CFAP61: variants seen among roughly 807,000 people sequenced by gnomAD.
The protein encoded by CFAP61 is cilia and flagella associated protein 61.
Under a neutral mutation model 135.6 loss-of-function variants are expected in CFAP61, and 107 were observed. The observed-to-expected ratio is 0.79, with a 90% confidence interval of 0.67 to 0.93. CFAP61 has a LOEUF of 0.93. Among genes scored for constraint, CFAP61 ranks in the 40% least tolerant of loss-of-function variants. CFAP61 has a pLI of 0.00. For synonymous variants in CFAP61, 575 were observed against 578.5 expected (o/e 0.99, Z 0.09); for missense variants, 1,507 against 1,556.2 (o/e 0.97, Z 0.53).
intron 11 of CFAP61, among the ~76,000 whole-genome samples, chr20:20,164,537 A>G (rs2053663184): frequency 6.6e-6 from 1 of 152,142 alleles, no homozygotes; most frequent in African/African-American, 2.4e-5. Context: ...GGATAATTTG[A>G]ATTTGGGTTA....
At chr20:20,210,256 T>TGC (rs975571711) in intron 17 of CFAP61, among the ~76,000 whole-genome samples, 2 of 152,188 alleles carry the variant, frequency 1.3e-5, no homozygotes, top group African/African-American at 4.8e-5. Context: ...AGGAGAGGGC[T>TGC]GCGCTGCACT....
intron 26 of CFAP61, among the ~76,000 whole-genome samples, chr20:20,351,686 T>C (rs1432011549): frequency 6.6e-6 from 1 of 151,940 alleles, no homozygotes; most frequent in Non-Finnish European, 1.5e-5. Flanking sequence ...TTTTAACCAA[T>C]GAGTTAAAAG....
intron 13 of CFAP61, among the ~76,000 whole-genome samples, chr20:20,181,120 A>G (rs80126094): frequency 0.09 from 13,585 of 151,668 alleles, 637 homozygotes; most frequent in Middle Eastern, 0.14. Context: ...AAGTTTGTCT[A>G]TATAACCAAC....
intron 2 of CFAP61, among the ~76,000 whole-genome samples, chr20:20,063,032 G>A (rs979227479): frequency 6.6e-6 from 1 of 152,128 alleles, no homozygotes; most frequent in Non-Finnish European, 1.5e-5. Flanking sequence ...TGGGGTCCCA[G>A]AAAAGTTTCT....
At chr20:20,246,005 A>G in intron 18 of CFAP61, 112 bp from the exon 19 acceptor site, 2 of 685,060 alleles carry the variant, frequency 2.9e-6, no homozygotes, top group Non-Finnish European at 5.1e-6. Flanking sequence ...AGTAGCTCCA[A>G]AAGCAATTCA....
chr20:20,315,934 A>C (rs919519762), intron 25 of CFAP61, among the ~76,000 whole-genome samples: 1 of 152,174 alleles, frequency 6.6e-6, no homozygotes, highest in Non-Finnish European at 1.5e-5. Context: ...TGTTTTGGTT[A>C]CTGTAGCCTT....
At chr20:20,344,487 G>A (rs1602114194) in intron 26 of CFAP61, among the ~76,000 whole-genome samples, 3 of 152,284 alleles carry the variant, frequency 2.0e-5, no homozygotes, top group African/African-American at 7.2e-5. Context: ...ATGGCCAACA[G>A]GTATATGAAA....
intron 24 of CFAP61, among the ~76,000 whole-genome samples, chr20:20,294,317 C>T (rs2055229985): frequency 1.3e-5 from 2 of 152,230 alleles, no homozygotes; most frequent in Non-Finnish European, 1.5e-5. Flanking sequence ...GTGGCCTGCA[C>T]TACAAGGGTA....
In CFAP61 at chr20:20,196,551, C is replaced by T. The variant is rs2056301659; in HGVS notation, c.1591-19C>T. 2 of 1,563,550 alleles carry T rather than the reference C, an allele frequency of 1.3e-6. No individual in the cohort carries two copies. The highest frequency in any genetic ancestry group is 2.2e-5 in the East Asian group (1 of 44,650). The stretch of plus-strand genomic sequence containing the variant: ...GTTTAAAATGCTTGTAGAAACCATC[C>T]CTTCTGTCTCTTCTGTAGGACATTG... On this transcript the variant is annotated intron_variant, in intron 15 of 26. Coordinates refer to ENST00000245957, the MANE Select transcript of CFAP61 (RefSeq NM_015585.4).
intron 2 of CFAP61, among the ~76,000 whole-genome samples, chr20:20,058,320 A>G (rs2044534299): frequency 6.6e-6 from 1 of 152,238 alleles, no homozygotes. Flanking sequence ...GATGGAAACA[A>G]CTAAAATACT....
intron 8 of CFAP61, among the ~76,000 whole-genome samples, chr20:20,105,061 G>A (rs2048282701): frequency 6.6e-6 from 1 of 152,088 alleles, no homozygotes; most frequent in South Asian, 2.1e-4. Context: ...AGGCTCTATG[G>A]TATCGTACTG....
In CFAP61 at chr20:20,097,323, T is replaced by C. The variant is rs139072659; in HGVS notation, c.700-1332T>C. Among the ~76,000 whole-genome samples, 458 of 152,346 alleles carry C rather than the reference T, an allele frequency of 3.0e-3. 3 individuals carry two copies. Among genetic ancestry groups the C allele is most frequent in the Non-Finnish European group, 5.1e-3 (350 of 68,034 alleles). Reference sequence around the variant, plus strand: ...ATAGGACCCAGTAAATGCAGGTTTCTAATAAGAGCTATCAGAGTCTAATCA... The same window carrying C: ...ATAGGACCCAGTAAATGCAGGTTTCCAATAAGAGCTATCAGAGTCTAATCA... On this transcript the variant is annotated intron_variant, in intron 7 of 26. Coordinates refer to ENST00000245957, the MANE Select transcript of CFAP61 (RefSeq NM_015585.4).
At chr20:20,162,367 C>A (rs1181685405) in intron 10 of CFAP61, among the ~76,000 whole-genome samples, 1 of 152,150 alleles carries the variant, frequency 6.6e-6, no homozygotes, top group Non-Finnish European at 1.5e-5. Flanking sequence ...GACCACAGTC[C>A]TCAATACAGA....
chr20:20,195,876 C>G (rs1569107924), intron 15 of CFAP61, among the ~76,000 whole-genome samples: 1 of 152,008 alleles, frequency 6.6e-6, no homozygotes, highest in African/African-American at 2.4e-5. Context: ...GCCAGGAGTT[C>G]AAGACCTGCC....
intron 9 of CFAP61, among the ~76,000 whole-genome samples, chr20:20,145,074 T>C (rs746292128): frequency 6.6e-6 from 1 of 152,092 alleles, no homozygotes; most frequent in African/African-American, 2.4e-5. Flanking sequence ...AGATGGAAAT[T>C]TGGCTCTACA....
intron 25 of CFAP61, among the ~76,000 whole-genome samples, chr20:20,326,809 A>C (rs576376644): frequency 5.9e-4 from 90 of 152,254 alleles, no homozygotes; most frequent in African/African-American, 2.1e-3. Flanking sequence ...ATTCTTTCCG[A>C]ATGTATTATC....
chr20:20,207,125 C>T (rs1200979470), intron 17 of CFAP61, among the ~76,000 whole-genome samples: 1 of 152,312 alleles, frequency 6.6e-6, no homozygotes, highest in Non-Finnish European at 1.5e-5. Context: ...TCCTGCTTCA[C>T]CCTCTCTAAC....
At chr20:20,316,014 G>A (rs1313699575) in intron 25 of CFAP61, among the ~76,000 whole-genome samples, 17 of 152,254 alleles carry the variant, frequency 1.1e-4, no homozygotes, top group Admixed American at 5.2e-4. Flanking sequence ...TTGACTTGGC[G>A]ATGCGGGCTC....
intron 8 of CFAP61, among the ~76,000 whole-genome samples, chr20:20,141,477 G>A (rs2051397799): frequency 6.6e-6 from 1 of 152,150 alleles, no homozygotes; most frequent in Admixed American, 6.5e-5. Flanking sequence ...CTTCAGAAGA[G>A]GGATTCTAAG....
Sources: gnomAD v4.1 joint callset for allele counts (sites outside exome capture counted in the v4.1 genomes callset) on GRCh38, gnomAD v4.1.1 for gene constraint, MANE v1.5 for transcripts, NCBI Gene and HGNC (gene_info 2026-07-23, HGNC 2026-07-21) for gene names.